RIMS2: variants seen among roughly 807,000 people sequenced by gnomAD.
The protein encoded by RIMS2 is regulating synaptic membrane exocytosis protein 2.
In RIMS2, 59 loss-of-function variants were observed where a neutral mutation model predicts 174.4. The observed-to-expected ratio is 0.34, with a 90% CI of 0.27 to 0.42. The LOEUF is 0.42. Among genes scored for constraint, RIMS2 ranks in the 10% least tolerant of loss-of-function variants. RIMS2 has a pLI of 1.00. For synonymous variants in RIMS2, 606 were observed against 572.5 expected (o/e 1.06, Z -0.84); for missense variants, 1,620 against 1,666.3 (o/e 0.97, Z 0.48).
chr8:104,188,314 T>C (rs889022128), intron 19 of RIMS2, among the ~76,000 whole-genome samples: 3 of 151,810 alleles, frequency 2.0e-5, no homozygotes, highest in African/African-American at 7.2e-5. Flanking sequence ...TTGATCTTTC[T>C]AATTTTTTAT....
intron 3 of RIMS2, among the ~76,000 whole-genome samples, chr8:103,834,262 A>G (rs2098843756): frequency 6.6e-6 from 1 of 151,416 alleles, no homozygotes; most frequent in African/African-American, 2.4e-5. Context: ...CTTAAAATAT[A>G]ATTTAATTGT....
chr8:103,806,354 A>G (rs1318770231), intron 3 of RIMS2, among the ~76,000 whole-genome samples: 1 of 152,152 alleles, frequency 6.6e-6, no homozygotes, highest in Non-Finnish European at 1.5e-5. Context: ...AGAAACTATA[A>G]CACTAACTTA....
chr8:104,048,806 TAATC>T (rs1442512046), intron 19 of RIMS2, among the ~76,000 whole-genome samples: 1 of 150,668 alleles, frequency 6.6e-6, no homozygotes, highest in East Asian at 1.9e-4. Context: ...CCATAGTAAA[TAATC>T]AAAGAATGGT....
At chr8:103,610,092 A>C (rs1337542207) in intron 1 of RIMS2, among the ~76,000 whole-genome samples, 1 of 152,036 alleles carries the variant, frequency 6.6e-6, no homozygotes, top group Admixed American at 6.6e-5. Context: ...ATTTTGTGGC[A>C]GTTGCGAATG....
intron 3 of RIMS2, among the ~76,000 whole-genome samples, chr8:103,813,599 GT>G (rs1379934680): frequency 6.6e-6 from 1 of 152,030 alleles, no homozygotes; most frequent in Non-Finnish European, 1.5e-5. Flanking sequence ...CCCCCACCCT[GT>G]GTCCAAGTGC....
intron 16 of RIMS2, among the ~76,000 whole-genome samples, chr8:103,986,933 G>A (rs17817627): frequency 0.042 from 6,355 of 151,382 alleles, 181 homozygotes; most frequent in Middle Eastern, 0.097. Context: ...GGTTGAAATG[G>A]TACTCAAAGA....
intron 19 of RIMS2, among the ~76,000 whole-genome samples, chr8:104,023,891 G>A (rs1011365241): frequency 3.9e-5 from 6 of 152,134 alleles, no homozygotes; most frequent in Non-Finnish European, 8.8e-5. Flanking sequence ...TGAAAAAAGT[G>A]GGAGAAGAGG....
chr8:104,098,687 G>A (rs886750964), intron 19 of RIMS2, among the ~76,000 whole-genome samples: 1 of 152,104 alleles, frequency 6.6e-6, no homozygotes, highest in South Asian at 2.1e-4. Flanking sequence ...GATTTTAAGA[G>A]ACTTAGCCAT....
intron 19 of RIMS2, among the ~76,000 whole-genome samples, chr8:104,115,655 T>C (rs777551751): frequency 6.6e-6 from 1 of 151,978 alleles, no homozygotes; most frequent in Non-Finnish European, 1.5e-5. Context: ...ACAGTTACAG[T>C]GATATAGTAG....
At chr8:103,502,425 G>A (rs549185296) in intron 1 of RIMS2, among the ~76,000 whole-genome samples, 1 of 152,140 alleles carries the variant, frequency 6.6e-6, no homozygotes, top group South Asian at 2.1e-4. Flanking sequence ...ATATTGAGTG[G>A]CTAAAAGAGC....
intron 6 of RIMS2, among the ~76,000 whole-genome samples, chr8:103,912,569 T>G (rs2075881002): frequency 6.6e-6 from 1 of 152,186 alleles, no homozygotes; most frequent in Non-Finnish European, 1.5e-5. Context: ...TGTATATATA[T>G]GTATATTGCA....
chr8:103,955,509 A>T (rs2086858137), intron 14 of RIMS2, among the ~76,000 whole-genome samples: 1 of 152,242 alleles, frequency 6.6e-6, no homozygotes, highest in African/African-American at 2.4e-5. Flanking sequence ...CCACATGATT[A>T]TCTCAATAGA....
At chr8:104,218,394 G>A (rs2044530) in intron 19 of RIMS2, among the ~76,000 whole-genome samples, 49,002 of 151,814 alleles carry the variant, frequency 0.32, 8,091 homozygotes, top group African/African-American at 0.39. Flanking sequence ...CATCAGCTAC[G>A]TTAGTGGTCC....
At chr8:103,945,774 A>G (rs2083585795) in intron 14 of RIMS2, among the ~76,000 whole-genome samples, 1 of 152,104 alleles carries the variant, frequency 6.6e-6, no homozygotes, top group South Asian at 2.1e-4. Flanking sequence ...GTGAATGGTC[A>G]TAGAAGAGAA....
At chr8:103,912,089 C>G in exon 6 of RIMS2, 7 of 1,601,924 alleles carry the variant, frequency 4.4e-6, no homozygotes, top group Non-Finnish European at 6.0e-6. Context: ...AGATGGAGAT[C>G]GTTTAATTGG....
intron 1 of RIMS2, among the ~76,000 whole-genome samples, chr8:103,645,831 TA>T (rs941922151): frequency 1.3e-5 from 2 of 152,054 alleles, no homozygotes; most frequent in Non-Finnish European, 2.9e-5. Context: ...AAAGGAATAT[TA>T]AAAAAATGAA....
chr8:104,034,268 T>G (rs2096463255), intron 19 of RIMS2, among the ~76,000 whole-genome samples: 1 of 152,176 alleles, frequency 6.6e-6, no homozygotes, highest in South Asian at 2.1e-4. Flanking sequence ...CTTGAAATTT[T>G]TATTTTAAAT....
chr8:103,648,001 T>C (rs776020597), intron 1 of RIMS2, among the ~76,000 whole-genome samples: 16 of 151,986 alleles, frequency 1.1e-4, no homozygotes, highest in Non-Finnish European at 2.1e-4. Context: ...GCCAGTTGTT[T>C]TAGGTGTGAT....
intron 3 of RIMS2, among the ~76,000 whole-genome samples, chr8:103,848,770 C>G (rs2098981539): frequency 6.6e-6 from 1 of 151,994 alleles, no homozygotes; most frequent in South Asian, 2.1e-4. Flanking sequence ...CCTACTCTGA[C>G]AGGACCCTCA....
Sources: gnomAD v4.1 joint callset for allele counts (sites outside exome capture counted in the v4.1 genomes callset) on GRCh38, gnomAD v4.1.1 for gene constraint, MANE v1.5 for transcripts, NCBI Gene and HGNC (gene_info 2026-07-23, HGNC 2026-07-21) for gene names.